Variants in IRX3 observed in about 807,000 individuals in gnomAD.
IRX3 encodes the protein iroquois-class homeodomain protein IRX-3.
Under a neutral mutation model 36.4 loss-of-function variants are expected in IRX3, and 20 were observed. That is an observed-to-expected ratio of 0.55 (90% CI 0.39 to 0.80). IRX3 has a LOEUF of 0.80. Ranked by LOEUF, IRX3 falls within the 30% of genes least tolerant of loss-of-function variation. IRX3 has a pLI of 0.00. For missense variants in IRX3, 718 were observed against 733.2 expected (o/e 0.98, Z 0.24); for synonymous variants, 404 against 351.6 (o/e 1.15, Z -1.67).
Position 54,286,473 on chromosome 16 carries a change from T to C in IRX3, c.-423A>G. 1.2e-6 allele frequency: 1 copy of C among 813,064 alleles called. No individual in the cohort carries two copies. Among genetic ancestry groups the C allele is most frequent in the Non-Finnish European group, 1.5e-6 (1 of 674,610 alleles). The allele number at this position is 813,064 out of a possible 1,614,324, so 50.4% of individuals were successfully genotyped here. A position where few individuals can be genotyped will look rare whatever the true frequency, so the allele number is the denominator to read the frequency against. The stretch of plus-strand genomic sequence containing the variant: ...TTTCACTCCCCCTCCTCGCCCTTCC[T>C]CTCCCCTCCCCTCTCCGCACTCCTC... On this transcript the variant is annotated 5_prime_UTR_variant, in exon 1 of 4. Transcript: ENST00000329734.
In IRX3 at chr16:54,284,788, A is replaced by G. The variant is rs1388064874; in HGVS notation, c.1093T>C (p.Ser365Pro). ...TATSPDNPRR[S>P]PPGAGGSPPG... Reference sequence around the variant, plus strand: ...GGAGACCCCCCCGCGCCGGGAGGCGAGCGGCGCGGGTTGTCCGGGCTTGTG... The same window carrying G: ...GGAGACCCCCCCGCGCCGGGAGGCGGGCGGCGCGGGTTGTCCGGGCTTGTG... The change falls in exon 2 of 4, where the codon TCG (serine) becomes CCG (proline). Residue 365 changes from serine (S) to proline (P), a missense_variant. Ser to Pro is a moderately conservative substitution (Grantham distance 74). This residue lies in a region of IRX3 where 468 missense variants were observed against 462.1 expected (regional missense o/e 1.01). Transcript: ENST00000329734. This position sits in a 1 kb window ranked among gnomAD's most constrained non-coding sequence, Gnocchi z 4.0. The G allele has an allele frequency of 6.8e-7, 1 of 1,464,964 alleles. No individual in the cohort carries two copies. The highest frequency in any genetic ancestry group is 1.4e-5 in the South Asian group (1 of 71,692). 90.7% of individuals were successfully genotyped at this position (1,464,964 alleles called of 1,614,324 possible).
rs1901311071 is a variant in IRX3, at chr16:54,285,603, T to C, written c.278A>G (p.Tyr93Cys). Residue 93 changes from tyrosine (Y) to cysteine (C), a missense_variant, in exon 2 of 4, where the codon TAT (tyrosine) becomes TGT (cysteine). Tyr to Cys is a radical substitution (Grantham distance 194). Around this residue, in one of 3 missense-constraint regions of IRX3, gnomAD observed 204 missense variants for 181.4 expected, o/e 1.12. Transcript: ENST00000329734. The surrounding 1 kb of genome is among the most constrained non-coding windows in gnomAD (Gnocchi z 5.7). ...LPIFPQLGAQ[Y>C]ELKDSPGVQH... ...CACCCCGGGGCTGTCCTTCAGCTCA[T>C]ACTGCGCGCCCTGTACGCACATGGA... 3 of 1,533,752 alleles carry C rather than the reference T, an allele frequency of 2.0e-6. No homozygotes were observed. The highest frequency in any genetic ancestry group is 2.7e-5 in the African/African-American group (2 of 73,022).
Position 54,283,749 on chromosome 16 carries a change from G to C in IRX3, c.1452-9C>G. On this transcript the variant is annotated splice_polypyrimidine_tract_variant and intron_variant, in intron 3 of 3. Coordinates refer to ENST00000329734, the MANE Select transcript of IRX3 (RefSeq NM_024336.3). This position sits in a 1 kb window ranked among gnomAD's most constrained non-coding sequence, Gnocchi z 4.4. ...CCAGATGGTTCTGGGGCCTGGAAGA[G>C]AGAGACAGTAGTAGCAAAAGAGGTG... 6.2e-7 allele frequency: 1 copy of C among 1,608,920 alleles called. No homozygotes were observed. The highest frequency in any genetic ancestry group is 1.1e-5 in the South Asian group (1 of 90,902).
Position 54,286,175 on chromosome 16 carries a change from T to C in IRX3, c.-125A>G. The C allele has an allele frequency of 9.6e-7, 1 of 1,044,552 alleles. No individual in the cohort carries two copies. The highest frequency in any genetic ancestry group is 1.7e-5 in the African/African-American group (1 of 58,384). The allele number at this position is 1,044,552 out of a possible 1,614,324, so 64.7% of individuals were successfully genotyped here. A position where few individuals can be genotyped will look rare whatever the true frequency, so the allele number is the denominator to read the frequency against. On this transcript the variant is annotated 5_prime_UTR_variant, in exon 1 of 4. Coordinates refer to ENST00000329734, the MANE Select transcript of IRX3 (RefSeq NM_024336.3). ...CTTGGGGCCGCGCTGCCGCCCGCGC[T>C]GCGCTGTGCTCCGCGTTCGCCTATT...
At position 54,284,850 on chromosome 16, in the gene IRX3, A is replaced by G; in HGVS notation, c.1031T>C (p.Leu344Pro). The G allele has an allele frequency of 6.5e-7, 1 of 1,541,622 alleles. No homozygotes were observed. Residue 344 changes from leucine to proline, a missense_variant, in exon 2 of 4, where the codon CTG (leucine) becomes CCG (proline). This residue lies in a region of IRX3 where 468 missense variants were observed against 462.1 expected (regional missense o/e 1.01). Coordinates refer to ENST00000329734, the MANE Select transcript of IRX3 (RefSeq NM_024336.3). This position sits in a 1 kb window ranked among gnomAD's most constrained non-coding sequence, Gnocchi z 4.0. The stretch of plus-strand genomic sequence containing the variant: ...GAGGGACCAGATCTTGGGCTTCTGC[A>G]GGGCGGAGGCGGGGGCTGGTGCGGG... Reference protein sequence around the residue: ...CAPAPAPASALQKPKIWSLAE... With the variant: ...CAPAPAPASAPQKPKIWSLAE...
Position 54,284,068 on chromosome 16 carries a change from G to C in IRX3, c.1451+178C>G. 8.4e-7 allele frequency: 1 copy of C among 1,190,944 alleles called. No homozygotes were observed. Among genetic ancestry groups the C allele is most frequent in the Non-Finnish European group, 1.1e-6 (1 of 873,752 alleles). The allele number at this position is 1,190,944 out of a possible 1,614,324, so 73.8% of individuals were successfully genotyped here. ...GCCTGGGGTGCCTGGGCTGGACCTG[G>C]AGAGCTGTCGCAGGGCCGACAGGGG... On this transcript the variant is annotated intron_variant, in intron 3 of 3. Transcript: ENST00000329734. This position sits in a 1 kb window ranked among gnomAD's most constrained non-coding sequence, Gnocchi z 4.0.
rs533080937 is a variant in IRX3 at position 54,285,759 on chromosome 16, C to T, written c.267+25G>A. On this transcript the variant is annotated intron_variant, in intron 1 of 3. Transcript: ENST00000329734. The surrounding 1 kb of genome is among the most constrained non-coding windows in gnomAD (Gnocchi z 5.7). ...CCCTGCGCCCCAGCGCCAACCCCTC[C>T]TTCCCTGGCTCCGCGGGCTCTTACC... is the stretch of plus-strand genomic sequence containing the variant. 9.9e-6 allele frequency: 15 copies of T among 1,514,998 alleles called. No individual in the cohort carries two copies. In the Admixed American group the frequency reaches 2.9e-4, roughly 29 times the overall value. The allele number at this position is 1,514,998 out of a possible 1,614,324, so 93.8% of individuals were successfully genotyped here.
rs1901285030 is a variant in IRX3, at chr16:54,284,990, A to G, written c.891T>C (p.Ser297=). The stretch of plus-strand genomic sequence containing the variant: ...GTAGTGGCCGGTCCTCTAAGCCCTC[A>G]GAGCTATCTTCCGAGTCGCTATTTT... ...DSKNSDSEDS[S]EGLEDRPLPV... Residue 297 remains serine (S), a synonymous_variant, in exon 2 of 4, where the codon TCT becomes TCC. Transcript: ENST00000329734. The surrounding 1 kb of genome is among the most constrained non-coding windows in gnomAD (Gnocchi z 4.0). 1 of 1,613,232 alleles carries G rather than the reference A, an allele frequency of 6.2e-7. No homozygotes were observed. The highest frequency in any genetic ancestry group is 1.7e-5 in the Admixed American group (1 of 59,982).
rs1253693643 is a variant in IRX3, at chr16:54,286,195, C to T, written c.-145G>A. Reference sequence around the variant, plus strand: ...CGCGCTGCGCTGTGCTCCGCGTTCGCCTATTGATCTGCTCCGCGGCGGCGA... The same window carrying T: ...CGCGCTGCGCTGTGCTCCGCGTTCGTCTATTGATCTGCTCCGCGGCGGCGA... On this transcript the variant is annotated 5_prime_UTR_variant, in exon 1 of 4. Coordinates refer to ENST00000329734, the MANE Select transcript of IRX3 (RefSeq NM_024336.3). 2.8e-5 allele frequency: 29 copies of T among 1,030,830 alleles called. No homozygotes were observed. Among genetic ancestry groups the T allele is most frequent in the African/African-American group, 3.5e-5 (2 of 57,934 alleles). 63.9% of individuals were successfully genotyped at this position (1,030,830 alleles called of 1,614,324 possible).
In IRX3 at chr16:54,285,979, G is replaced by A. The variant is rs1296446485; in HGVS notation, c.72C>T (p.Gly24=). The change falls in exon 1 of 4, where the codon GGC becomes GGT. Residue 24 remains glycine, a synonymous_variant. Coordinates refer to ENST00000329734, the MANE Select transcript of IRX3 (RefSeq NM_024336.3). The surrounding 1 kb of genome is among the most constrained non-coding windows in gnomAD (Gnocchi z 5.7). ...GGGCCCCCGCGCTGCCGCCGCTGCC[G>A]CCAGCGGCCCCCGGGCGCTCGGACG... ...LYPSERPGAA[G]GSGGSAGARG... is the part of the protein sequence containing the mutation. 2 of 1,375,800 alleles carry A rather than the reference G, an allele frequency of 1.5e-6. No individual in the cohort carries two copies. The highest frequency in any genetic ancestry group is 1.5e-5 in the African/African-American group (1 of 64,942). 85.2% of individuals were successfully genotyped at this position (1,375,800 alleles called of 1,614,324 possible).
Position 54,286,112 on chromosome 16 carries a change from G to A in IRX3, c.-62C>T. 8.5e-7 allele frequency: 1 copy of A among 1,183,378 alleles called. No individual in the cohort carries two copies. Among genetic ancestry groups the A allele is most frequent in the Non-Finnish European group, 1.1e-6 (1 of 948,736 alleles). The allele number at this position is 1,183,378 out of a possible 1,614,324, so 73.3% of individuals were successfully genotyped here. A position where few individuals can be genotyped will look rare whatever the true frequency, so the allele number is the denominator to read the frequency against. On this transcript the variant is annotated 5_prime_UTR_variant, in exon 1 of 4. Coordinates refer to ENST00000329734, the MANE Select transcript of IRX3 (RefSeq NM_024336.3). ...CCCCCGGGCCGCCCAGCTCAGCGCCGCCCGCGGGCTCCGGCGCGCATCGGG... is the reference window on the plus strand; with the variant it reads ...CCCCCGGGCCGCCCAGCTCAGCGCCACCCGCGGGCTCCGGCGCGCATCGGG...
Position 54,285,784 on chromosome 16 carries a change from C to A in IRX3, c.267G>T (p.Leu89=). 6.4e-7 allele frequency: 1 copy of A among 1,550,578 alleles called. No homozygotes were observed. The highest frequency in any genetic ancestry group is 8.6e-7 in the Non-Finnish European group (1 of 1,156,948). ...YAAELPIFPQ[L]GAQYELKDSP... is the part of the protein sequence containing the mutation. ...CTTCCCTGGCTCCGCGGGCTCTTAC[C>A]AGCTGCGGGAAGATGGGCAGCTCCG... The change falls in exon 1 of 4, where the codon CTG becomes CTT. Residue 89 remains leucine (L), a splice_region_variant and synonymous_variant. Coordinates refer to ENST00000329734, the MANE Select transcript of IRX3 (RefSeq NM_024336.3). The surrounding 1 kb of genome is among the most constrained non-coding windows in gnomAD (Gnocchi z 5.7).
chr16:54,286,262 G>T lies in IRX3; in HGVS notation c.-212C>A. 2.0e-6 allele frequency: 2 copies of T among 1,005,944 alleles called. No homozygotes were observed. Among genetic ancestry groups the T allele is most frequent in the South Asian group, 9.1e-5 (2 of 22,018 alleles). The allele number at this position is 1,005,944 out of a possible 1,614,324, so 62.3% of individuals were successfully genotyped here. ...GGCGGCGAGGAGCCAGGTCAGGTCC[G>T]AACAGATTGGCGGAGATTCCCGGGG... On this transcript the variant is annotated 5_prime_UTR_variant, in exon 1 of 4. Coordinates refer to ENST00000329734, the MANE Select transcript of IRX3 (RefSeq NM_024336.3).
Position 54,284,624 on chromosome 16 carries a change from G to C in IRX3, c.1257C>G (p.Gly419=), listed in dbSNP as rs753493182. The change falls in exon 2 of 4, where the codon GGC becomes GGG. Residue 419 remains glycine (G), a synonymous_variant. Coordinates refer to ENST00000329734, the MANE Select transcript of IRX3 (RefSeq NM_024336.3). This position sits in a 1 kb window ranked among gnomAD's most constrained non-coding sequence, Gnocchi z 4.0. ...GCAGGGAGAGCGGGTGCAGGCGGGGGCCGGGCGGTGGGCCTGGAAACGGCC... is the reference window on the plus strand; with the variant it reads ...GCAGGGAGAGCGGGTGCAGGCGGGGCCCGGGCGGTGGGCCTGGAAACGGCC... ...TNRPFPGPPP[G]PRLHPLSLLG... is the part of the protein sequence containing the mutation. 2.2e-6 allele frequency: 3 copies of C among 1,375,666 alleles called. No individual in the cohort carries two copies. Among genetic ancestry groups the C allele is most frequent in the Non-Finnish European group, 2.8e-6 (3 of 1,075,328 alleles). The allele number at this position is 1,375,666 out of a possible 1,614,324, so 85.2% of individuals were successfully genotyped here.
chr16:54,284,710 C>A lies in IRX3; in HGVS notation c.1171G>T (p.Ala391Ser). Residue 391 changes from alanine to serine, a missense_variant, in exon 2 of 4, where the codon GCC becomes TCC. Transcript: ENST00000329734. The surrounding 1 kb of genome is among the most constrained non-coding windows in gnomAD (Gnocchi z 4.0). ...GAGACCAGTCTGTGAGCGGCGGCGG[C>A]GGCGGCGGCCGGAGAGAGCTGCAGG... ...SALQLSPAAAAAAAHRLVSAP... is the reference protein window; with the variant it reads ...SALQLSPAAASAAAHRLVSAP... The A allele has an allele frequency of 7.0e-7, 1 of 1,426,914 alleles. No homozygotes were observed. The highest frequency in any genetic ancestry group is 9.1e-7 in the Non-Finnish European group (1 of 1,103,178). 88.4% of individuals were successfully genotyped at this position (1,426,914 alleles called of 1,614,324 possible). A position where few individuals can be genotyped will look rare whatever the true frequency, so the allele number is the denominator to read the frequency against.
chr16:54,283,869 G>C lies in IRX3; in HGVS notation c.1452-129C>G, dbSNP rs188525749. 2 of 1,526,270 alleles carry C rather than the reference G, an allele frequency of 1.3e-6. No homozygotes were observed. The highest frequency in any genetic ancestry group is 2.8e-5 in the African/African-American group (2 of 71,844). The allele number at this position is 1,526,270 out of a possible 1,614,324, so 94.5% of individuals were successfully genotyped here. A position where few individuals can be genotyped will look rare whatever the true frequency, so the allele number is the denominator to read the frequency against. On this transcript the variant is annotated intron_variant, in intron 3 of 3. Transcript: ENST00000329734. The surrounding 1 kb of genome is among the most constrained non-coding windows in gnomAD (Gnocchi z 4.4). ...GTGTCGCAATGTAAAATTATGTCCA[G>C]TTGTAGATGTGTGTGTTGGGGTTTA...
chr16:54,285,897 C>A lies in IRX3; in HGVS notation c.154G>T (p.Val52Leu). The change falls in exon 1 of 4, where the codon GTG (valine) becomes TTG (leucine). Residue 52 changes from valine to leucine, a missense_variant. Val to Leu is a conservative substitution (Grantham distance 32). Around this residue, in one of 3 missense-constraint regions of IRX3, gnomAD observed 204 missense variants for 181.4 expected, o/e 1.12. Coordinates refer to ENST00000329734, the MANE Select transcript of IRX3 (RefSeq NM_024336.3). This position sits in a 1 kb window ranked among gnomAD's most constrained non-coding sequence, Gnocchi z 5.7. ...ELNASGSLSNVLSSVYGAPYA... is the reference protein window; with the variant it reads ...ELNASGSLSNLLSSVYGAPYA... ...GGCGCCCCGTACACGGACGAGAGCACGTTGGACAGGGACCCCGAGGCGTTC... is the reference window on the plus strand; with the variant it reads ...GGCGCCCCGTACACGGACGAGAGCAAGTTGGACAGGGACCCCGAGGCGTTC... 2.6e-6 allele frequency: 4 copies of A among 1,533,274 alleles called. No individual in the cohort carries two copies. Among genetic ancestry groups the A allele is most frequent in the Non-Finnish European group, 3.5e-6 (4 of 1,140,810 alleles). The allele number at this position is 1,533,274 out of a possible 1,614,324, so 95.0% of individuals were successfully genotyped here.
In IRX3 at chr16:54,284,072, G is replaced by A; in HGVS notation, c.1451+174C>T. ...GGGGTGCCTGGGCTGGACCTGGAGA[G>A]CTGTCGCAGGGCCGACAGGGGCGAC... On this transcript the variant is annotated intron_variant, in intron 3 of 3. Coordinates refer to ENST00000329734, the MANE Select transcript of IRX3 (RefSeq NM_024336.3). This position sits in a 1 kb window ranked among gnomAD's most constrained non-coding sequence, Gnocchi z 4.0. The A allele has an allele frequency of 8.6e-7, 1 of 1,157,812 alleles. No homozygotes were observed. The highest frequency in any genetic ancestry group is 1.2e-6 in the Non-Finnish European group (1 of 843,392). 71.7% of individuals were successfully genotyped at this position (1,157,812 alleles called of 1,614,324 possible). A position where few individuals can be genotyped will look rare whatever the true frequency, so the allele number is the denominator to read the frequency against.
chr16:54,285,680 C>T lies in IRX3; in HGVS notation c.268-67G>A. ...CGCGAGTGAGCCCCAGCCATCGCTGCCTCCCCCCTCCTGGCCTGCACCCCT... is the reference window on the plus strand; with the variant it reads ...CGCGAGTGAGCCCCAGCCATCGCTGTCTCCCCCCTCCTGGCCTGCACCCCT... On this transcript the variant is annotated intron_variant, in intron 1 of 3. Transcript: ENST00000329734. The surrounding 1 kb of genome is among the most constrained non-coding windows in gnomAD (Gnocchi z 5.7). 2 of 1,460,764 alleles carry T rather than the reference C, an allele frequency of 1.4e-6. No individual in the cohort carries two copies. The highest frequency in any genetic ancestry group is 1.8e-6 in the Non-Finnish European group (2 of 1,110,876). 90.5% of individuals were successfully genotyped at this position (1,460,764 alleles called of 1,614,324 possible).
Sources: allele counts gnomAD v4.1 joint callset, GRCh38; gene constraint gnomAD v4.1.1; regional missense constraint gnomAD v4.1.1; non-coding constraint Gnocchi (gnomAD v3.1); transcripts MANE v1.5; gene names NCBI Gene and HGNC (gene_info 2026-07-23, HGNC 2026-07-21).